Variants in ADAMTS17 observed in about 807,000 individuals in gnomAD.
ADAMTS17 encodes the protein A disintegrin and metalloproteinase with thrombospondin motifs 17.
Under a neutral mutation model 141.5 loss-of-function variants are expected in ADAMTS17, and 113 were observed. The ratio of observed to expected loss-of-function variants is 0.80; its 90% CI spans 0.69 to 0.93. The LOEUF is 0.93. Ranked by LOEUF, ADAMTS17 falls within the 40% of genes least tolerant of loss-of-function variation. The pLI is 0.00. For missense variants in ADAMTS17, 1,659 were observed against 1,517.9 expected, an observed-to-expected ratio of 1.09 and a Z score of -1.54; for synonymous variants, 768 against 630.6, an observed-to-expected ratio of 1.22 and a Z score of -3.27.
intron 7 of ADAMTS17, among the ~76,000 whole-genome samples, chr15:100,245,821 G>A (rs1478206122): frequency 6.6e-6 from 1 of 152,176 alleles, no homozygotes; most frequent in Non-Finnish European, 1.5e-5. Flanking sequence ...TTAAGGTATG[G>A]GAAGCACACA....
chr15:100,095,810 G>A (rs1251732476), intron 15 of ADAMTS17, among the ~76,000 whole-genome samples: 1 of 152,124 alleles, frequency 6.6e-6, no homozygotes, highest in African/African-American at 2.4e-5. Flanking sequence ...CCGAATCCTG[G>A]CATCCCTCTC....
rs370171149 is a variant in ADAMTS17, at chr15:100,292,106, G to A, written c.617-10705C>T. 1.1e-4 allele frequency among the ~76,000 whole-genome samples: 16 copies of A among 151,056 alleles called. 2 individuals carry two copies. The South Asian group carries it at 1.3e-3, about 12-fold the overall frequency. ...GGGAGTCATGAGAGACGCTCAGCCC[G>A]TGGGGAGTCACGAGAGACGCTCAGC... On this transcript the variant is annotated intron_variant, in intron 3 of 21. Transcript: ENST00000268070.
intron 3 of ADAMTS17, among the ~76,000 whole-genome samples, chr15:100,293,127 G>A (rs755086066): frequency 1.3e-5 from 2 of 152,192 alleles, no homozygotes; most frequent in Non-Finnish European, 2.9e-5. Context: ...GTTCCAAGTC[G>A]GTAGCCTCAG....
intron 3 of ADAMTS17, among the ~76,000 whole-genome samples, chr15:100,319,514 GC>G (rs1235867056): frequency 6.6e-6 from 1 of 152,172 alleles, no homozygotes; most frequent in Non-Finnish European, 1.5e-5. Context: ...TTTGAGAACA[GC>G]CTGGCCAACA....
intron 3 of ADAMTS17, among the ~76,000 whole-genome samples, chr15:100,307,283 G>A (rs535909031): frequency 6.6e-6 from 1 of 152,282 alleles, no homozygotes; most frequent in South Asian, 2.1e-4. Flanking sequence ...GACCCAAGCA[G>A]GGCCACTCAA....
At chr15:100,284,522 C>T (rs755206601) in intron 3 of ADAMTS17, among the ~76,000 whole-genome samples, 6 of 152,136 alleles carry the variant, frequency 3.9e-5, no homozygotes, top group Admixed American at 3.9e-4. Flanking sequence ...GGCAAGAGAC[C>T]GTGGACTTGC....
chr15:100,296,925 A>G (rs1216379274), intron 3 of ADAMTS17, among the ~76,000 whole-genome samples: 5 of 152,260 alleles, frequency 3.3e-5, no homozygotes, highest in African/African-American at 9.6e-5. Flanking sequence ...CCCATCTAGA[A>G]GGAGCAGACA....
chr15:100,199,243 T>A lies in ADAMTS17; in HGVS notation c.1181+75A>T. On this transcript the variant is annotated intron_variant, in intron 8 of 21. Coordinates refer to ENST00000268070, the MANE Select transcript of ADAMTS17 (RefSeq NM_139057.4). The stretch of plus-strand genomic sequence containing the variant: ...CATAGAGCAGCACTGTTTTAGAACT[T>A]ACAGAATTCAAGTGAAAAATCTGCA... 5 of 1,351,192 alleles carry A rather than the reference T, an allele frequency of 3.7e-6. No individual in the cohort carries two copies. The East Asian group carries it at 1.1e-4, about 31-fold the overall frequency. The allele number at this position is 1,351,192 out of a possible 1,614,324, so 83.7% of individuals were successfully genotyped here.
chr15:100,007,736 T>C (rs1441153286), intron 18 of ADAMTS17, among the ~76,000 whole-genome samples: 1 of 151,822 alleles, frequency 6.6e-6, no homozygotes, highest in Non-Finnish European at 1.5e-5. Context: ...GAGGCCGGGT[T>C]GAGGGGCTAC....
intron 7 of ADAMTS17, among the ~76,000 whole-genome samples, chr15:100,217,187 A>C (rs560187488): frequency 6.6e-6 from 1 of 152,358 alleles, no homozygotes; most frequent in South Asian, 2.1e-4. Context: ...ATCTCGGACA[A>C]GGCAGGCAAG....
rs551379832 is a variant in ADAMTS17 at position 100,018,948 on chromosome 15, A to G, written c.2592-21359T>C. ...CTTTGGAGTAAAGCTCAAGTTATGT[A>G]TAACCTATGCCTTATTCCACTTCTA... On this transcript the variant is annotated intron_variant, in intron 18 of 21. Coordinates refer to ENST00000268070, the MANE Select transcript of ADAMTS17 (RefSeq NM_139057.4). Among the ~76,000 whole-genome samples, 13 of 152,342 alleles carry G rather than the reference A, an allele frequency of 8.5e-5. No homozygotes were observed. The South Asian group carries it at 2.7e-3, about 32-fold the overall frequency.
intron 14 of ADAMTS17, 106 bp downstream of exon 14, chr15:100,108,883 C>T: frequency 1.9e-6 from 3 of 1,585,132 alleles, no homozygotes; most frequent in Non-Finnish European, 2.6e-6. Context: ...TAAGAAAATC[C>T]ACTCCCCTAG....
intron 8 of ADAMTS17, chr15:100,168,754 T>G (rs1211301061): frequency 6.6e-6 from 1 of 152,254 alleles, no homozygotes; most frequent in Non-Finnish European, 1.5e-5. Context: ...CCCCACTCAA[T>G]GCATCCTCTG....
rs145871928 is a variant in ADAMTS17 at position 100,216,262 on chromosome 15, A to G, written c.1076-16839T>C. On this transcript the variant is annotated intron_variant, in intron 7 of 21. Coordinates refer to ENST00000268070, the MANE Select transcript of ADAMTS17 (RefSeq NM_139057.4). ...ATTATCTAACACTGCAATTAGTTTGACCAAGTCCAAATTTTTTCTTAAAGT... is the reference window on the plus strand; with the variant it reads ...ATTATCTAACACTGCAATTAGTTTGGCCAAGTCCAAATTTTTTCTTAAAGT... Among the ~76,000 whole-genome samples, 524 of 152,364 alleles carry G rather than the reference A, an allele frequency of 3.4e-3. 2 individuals are homozygous for G. Among genetic ancestry groups the G allele is most frequent in the Non-Finnish European group, 5.6e-3 (379 of 68,022 alleles).
intron 14 of ADAMTS17, among the ~76,000 whole-genome samples, chr15:100,100,610 G>A (rs1259184056): frequency 7.2e-6 from 1 of 139,370 alleles, no homozygotes; most frequent in Non-Finnish European, 1.6e-5. Flanking sequence ...CCAGTTAGTT[G>A]GTGAGCTTGG....
intron 14 of ADAMTS17, 135 bp downstream of exon 14, chr15:100,108,854 G>A: frequency 1.4e-6 from 2 of 1,465,480 alleles, no homozygotes; most frequent in Non-Finnish European, 9.4e-7. Flanking sequence ...GCAGGAGGCG[G>A]CATCACTGGG....
chr15:100,332,833 T>C (rs560697133), intron 2 of ADAMTS17, among the ~76,000 whole-genome samples: 1 of 152,316 alleles, frequency 6.6e-6, no homozygotes, highest in East Asian at 1.9e-4. Context: ...TAGTGGGTAC[T>C]CGCCCCGGCA....
Position 99,972,277 on chromosome 15 carries a change from TGAGCTAAAA to T in ADAMTS17, c.*2116_*2124del, listed in dbSNP as rs2060227148. On this transcript the variant is annotated 3_prime_UTR_variant, in exon 22 of 22. Coordinates refer to ENST00000268070, the MANE Select transcript of ADAMTS17 (RefSeq NM_139057.4). ...AAAAACAACACCGACAACAAAAAGA[TGAGCTAAAA>T]GAGCTCTGCAGATGCAGACTTTAGG... 6.6e-6 allele frequency: 1 copy of T among 152,010 alleles called. No homozygotes were observed. Among genetic ancestry groups the T allele is most frequent in the Admixed American group, 6.6e-5 (1 of 15,264 alleles). 9.4% of individuals were successfully genotyped at this position (152,010 alleles called of 1,614,324 possible).
chr15:100,237,798 A>AT (rs1381933060), intron 7 of ADAMTS17, among the ~76,000 whole-genome samples: 1 of 152,024 alleles, frequency 6.6e-6, no homozygotes, highest in East Asian at 1.9e-4. Flanking sequence ...CAATTTTTAT[A>AT]TTTTTAGTAG....
Sources: allele counts gnomAD v4.1 joint callset (sites outside exome capture counted in the v4.1 genomes callset), GRCh38; gene constraint gnomAD v4.1.1; transcripts MANE v1.5; gene names NCBI Gene and HGNC (gene_info 2026-07-23, HGNC 2026-07-21).